Variants in KHDRBS2 observed in about 807,000 individuals in gnomAD.
KHDRBS2 encodes KH domain-containing, RNA-binding, signal transduction-associated protein 2.
Under a neutral mutation model 44.3 loss-of-function variants are expected in KHDRBS2, and 26 were observed. The observed-to-expected ratio is 0.59, with a 90% CI of 0.43 to 0.81. KHDRBS2 has a LOEUF of 0.81. Ranked by LOEUF, KHDRBS2 falls within the 40% of genes least tolerant of loss-of-function variation. The pLI is 0.00. For missense variants in KHDRBS2, 476 were observed against 433.1 expected, an observed-to-expected ratio of 1.10 and a Z score of -0.88; for synonymous variants, 194 against 151.1, an observed-to-expected ratio of 1.28 and a Z score of -2.08.
chr6:61,791,056 TC>T (rs1784563196), intron 6 of KHDRBS2, among the ~76,000 whole-genome samples: 1 of 151,484 alleles, frequency 6.6e-6, no homozygotes, highest in Non-Finnish European at 1.5e-5. Flanking sequence ...GGAATGACGT[TC>T]CTTATAATAT....
chr6:61,601,263 C>A, the KHDRBS2 span, among the ~76,000 whole-genome samples: 1 of 152,002 alleles, frequency 6.6e-6, no homozygotes, highest in Admixed American at 6.5e-5. Flanking sequence ...GCACCCCCCA[C>A]CCCTTCTCTC....
chr6:62,053,585 T>C (rs1402684697), intron 2 of KHDRBS2, among the ~76,000 whole-genome samples: 3 of 151,972 alleles, frequency 2.0e-5, no homozygotes, highest in Non-Finnish European at 4.4e-5. Flanking sequence ...TTAATCATTA[T>C]ACAAACTCAC....
intron 6 of KHDRBS2, among the ~76,000 whole-genome samples, chr6:61,758,104 A>G (rs941081540): frequency 6.6e-6 from 1 of 152,070 alleles, no homozygotes; most frequent in African/African-American, 2.4e-5. Context: ...TTCTCAATTC[A>G]GGAAGTTTCC....
Position 61,681,058 on chromosome 6 carries a change from G to A in KHDRBS2, c.955C>T (p.Pro319Ser), listed in dbSNP as rs762468254. The change falls in exon 9 of 9, where the codon CCA becomes TCA. Residue 319 changes from proline (P) to serine (S), a missense_variant and splice_region_variant. Physicochemically the swap from Pro to Ser is moderately conservative, Grantham distance 74 (BLOSUM62 -1). Coordinates refer to ENST00000281156, the MANE Select transcript of KHDRBS2 (RefSeq NM_152688.4). ...VSEDAYDSYA[P>S]EEWATTRSSL... ...GAGCGGGTTGTGGCCCATTCTTCTG[G>A]TGCTGTGAAAAAGAGAAAGATAGTA... is the stretch of plus-strand genomic sequence containing the variant. 1 of 1,609,176 alleles carries A rather than the reference G, an allele frequency of 6.2e-7. No homozygotes were observed. The highest frequency in any genetic ancestry group is 1.1e-5 in the South Asian group (1 of 90,918).
intron 1 of KHDRBS2, among the ~76,000 whole-genome samples, chr6:62,242,790 C>T (rs1359370072): frequency 6.6e-6 from 1 of 152,172 alleles, no homozygotes; most frequent in Non-Finnish European, 1.5e-5. Context: ...AGAACTGATG[C>T]TTTTCTTGTT....
intron 3 of KHDRBS2, among the ~76,000 whole-genome samples, chr6:61,993,674 T>TATATATATATATATATATATATATA (rs58974944): frequency 3.6e-5 from 3 of 84,312 alleles, no homozygotes; most frequent in Non-Finnish European, 7.2e-5. Flanking sequence ...TATATATATA[T>TATATATATATATATATATATATATA]TTTTTTTTTT....
At chr6:61,641,035 G>T in the KHDRBS2 span, among the ~76,000 whole-genome samples, 1 of 152,046 alleles carries the variant, frequency 6.6e-6, no homozygotes, top group African/African-American at 2.4e-5. Flanking sequence ...TAAAATCTAA[G>T]TTATATTCTT....
intron 4 of KHDRBS2, among the ~76,000 whole-genome samples, chr6:61,904,092 T>A (rs1804542714): frequency 1.3e-5 from 2 of 152,288 alleles, no homozygotes; most frequent in South Asian, 4.1e-4. Flanking sequence ...AGAGATATAT[T>A]TCAGGAGCGT....
intron 1 of KHDRBS2, among the ~76,000 whole-genome samples, chr6:62,281,287 G>A (rs921844369): frequency 4.6e-5 from 7 of 152,094 alleles, no homozygotes; most frequent in Non-Finnish European, 1.0e-4. Flanking sequence ...GCATCATCAT[G>A]TTATGTTTGT....
chr6:61,695,278 T>C (rs1288304273), intron 8 of KHDRBS2, among the ~76,000 whole-genome samples: 3 of 152,070 alleles, frequency 2.0e-5, no homozygotes, highest in African/African-American at 4.8e-5. Context: ...TGAATTCACA[T>C]TCTTGTTCTG....
At chr6:62,072,064 G>T (rs1795253418) in intron 2 of KHDRBS2, among the ~76,000 whole-genome samples, 1 of 152,120 alleles carries the variant, frequency 6.6e-6, no homozygotes. Context: ...CACATCCCTT[G>T]CAAGTTGGAT....
chr6:62,225,151 T>C (rs1461236121), intron 1 of KHDRBS2, among the ~76,000 whole-genome samples: 1 of 152,156 alleles, frequency 6.6e-6, no homozygotes, highest in African/African-American at 2.4e-5. Flanking sequence ...CAGCTCCCCA[T>C]ATAAATAAAT....
intron 6 of KHDRBS2, among the ~76,000 whole-genome samples, chr6:61,802,989 T>A (rs1786529366): frequency 6.6e-6 from 1 of 152,126 alleles, no homozygotes; most frequent in South Asian, 2.1e-4. Flanking sequence ...ATCTTGAAAA[T>A]TTATGGGGAT....
intron 3 of KHDRBS2, among the ~76,000 whole-genome samples, chr6:62,042,101 A>G (rs1374196861): frequency 2.0e-5 from 3 of 152,108 alleles, no homozygotes; most frequent in Non-Finnish European, 4.4e-5. Context: ...GTTTCATTGT[A>G]TTCCCACAAA....
chr6:62,201,298 T>C (rs1446073707), intron 1 of KHDRBS2, among the ~76,000 whole-genome samples: 1 of 152,042 alleles, frequency 6.6e-6, no homozygotes, highest in Non-Finnish European at 1.5e-5. Context: ...AAAGAAAGCT[T>C]ATACTAAAAT....
At chr6:61,811,012 G>T (rs947770936) in intron 6 of KHDRBS2, among the ~76,000 whole-genome samples, 7 of 151,924 alleles carry the variant, frequency 4.6e-5, no homozygotes, top group African/African-American at 7.3e-5. Flanking sequence ...TGTTACAGGG[G>T]TATATTGTAT....
intron 6 of KHDRBS2, among the ~76,000 whole-genome samples, chr6:61,819,143 GC>G (rs1207547102): frequency 6.6e-6 from 1 of 151,408 alleles, no homozygotes; most frequent in Admixed American, 6.6e-5. Context: ...GAAATCTTTA[GC>G]CCTTTTGAAA....
chr6:61,971,236 C>A (rs2127399257), intron 4 of KHDRBS2, among the ~76,000 whole-genome samples: 1 of 151,912 alleles, frequency 6.6e-6, no homozygotes, highest in East Asian at 1.9e-4. Context: ...ACAACAATAA[C>A]AACAAAAATA....
intron 2 of KHDRBS2, among the ~76,000 whole-genome samples, chr6:62,128,282 T>A (rs1320991342): frequency 6.6e-6 from 1 of 152,108 alleles, no homozygotes; most frequent in South Asian, 2.1e-4. Context: ...GGGGATATAA[T>A]CAGTGGCTAC....
Sources: gnomAD v4.1 joint callset for allele counts (sites outside exome capture counted in the v4.1 genomes callset) on GRCh38, gnomAD v4.1.1 for gene constraint, MANE v1.5 for transcripts, NCBI Gene and HGNC (gene_info 2026-07-23, HGNC 2026-07-21) for gene names.